SLC39A14: variants seen among roughly 807,000 people sequenced by gnomAD.
SLC39A14 encodes solute carrier family 39 member 14, also known as metal cation symporter ZIP14.
In SLC39A14, 19 loss-of-function variants were observed where a neutral mutation model predicts 45.5. That is an observed-to-expected ratio of 0.42 (90% CI 0.29 to 0.61). The LOEUF (loss-of-function observed/expected upper bound fraction) is 0.61, where lower values mean the gene tolerates loss of function less well. Ranked by LOEUF, SLC39A14 falls within the 20% of genes least tolerant of loss-of-function variation. The pLI is 0.22. For missense variants in SLC39A14, 447 were observed against 616.5 expected (o/e 0.73, Z 2.91); for synonymous variants, 264 against 251.3 (o/e 1.05, Z -0.48).
At chr8:22,419,027 GA>G (rs34995511) in intron 8 of SLC39A14, among the ~76,000 whole-genome samples, 9 of 148,458 alleles carry the variant, frequency 6.1e-5, no homozygotes, top group East Asian at 5.9e-4. Context: ...TGGAAAAAAG[GA>G]AAAAAAAAAG....
chr8:22,432,647 T>TA (rs1491025290), intron 8 of SLC39A14, among the ~76,000 whole-genome samples: 1 of 17,460 alleles, frequency 5.7e-5, no homozygotes, highest in East Asian at 7.8e-4. Context: ...CCCGGCTAAT[T>TA]TTTTTTTTTT....
At position 22,421,272 on chromosome 8, in the gene SLC39A14, TC is replaced by T. The variant is rs1836212960; in HGVS notation, c.*1575del. The T allele has an allele frequency of 1.0e-6, 1 of 985,742 alleles. No individual in the cohort carries two copies. The highest frequency in any genetic ancestry group is 1.2e-6 in the Non-Finnish European group (1 of 829,940). 61.1% of individuals were successfully genotyped at this position (985,742 alleles called of 1,614,324 possible). A position where few individuals can be genotyped will look rare whatever the true frequency, so the allele number is the denominator to read the frequency against. ...TCTTACATAGAAAAACTGTCCGCTC[TC>T]AGTAATCACAAGCAGCATCCGTTTT... is the stretch of plus-strand genomic sequence containing the variant. On this transcript the variant is annotated 3_prime_UTR_variant, in exon 9 of 9. Coordinates refer to ENST00000381237, the MANE Select transcript of SLC39A14 (RefSeq NM_001128431.4).
intron 1 of SLC39A14, among the ~76,000 whole-genome samples, chr8:22,391,527 G>T (rs1488175336): frequency 2.0e-5 from 3 of 152,154 alleles, no homozygotes; most frequent in African/African-American, 7.2e-5. Context: ...TGTGGGCCAA[G>T]GAGGATAGAA....
chr8:22,431,507 C>T (rs1320713148), intron 8 of SLC39A14, among the ~76,000 whole-genome samples: 2 of 152,126 alleles, frequency 1.3e-5, no homozygotes, highest in African/African-American at 4.8e-5. Flanking sequence ...GTTCCCTGTG[C>T]TTTTGTTAAA....
chr8:22,417,080 T>G (rs1835929258), intron 7 of SLC39A14, among the ~76,000 whole-genome samples: 1 of 152,218 alleles, frequency 6.6e-6, no homozygotes, highest in Non-Finnish European at 1.5e-5. Context: ...AGCTAGTAAT[T>G]ACTCCAGAGG....
intron 1 of SLC39A14, among the ~76,000 whole-genome samples, chr8:22,384,744 TAAAAAAAA>T (rs34292650): frequency 8.5e-6 from 1 of 117,292 alleles, no homozygotes; most frequent in African/African-American, 3.3e-5. Flanking sequence ...GAGACTGTCT[TAAAAAAAA>T]AAAAAAAAAA....
intron 1 of SLC39A14, among the ~76,000 whole-genome samples, chr8:22,399,083 C>G (rs2132282472): frequency 6.6e-6 from 1 of 152,324 alleles, no homozygotes; most frequent in East Asian, 1.9e-4. Context: ...CTCCTTCCCA[C>G]TTGTCTTTCT....
intron 1 of SLC39A14, among the ~76,000 whole-genome samples, chr8:22,376,575 G>T (rs1294034034): frequency 6.6e-6 from 1 of 151,846 alleles, no homozygotes; most frequent in African/African-American, 2.4e-5. Context: ...TTCTGTTGTT[G>T]TTGTTTTACA....
At position 22,419,687 on chromosome 8, in the gene SLC39A14, C is replaced by T. The variant is rs1188514751; in HGVS notation, c.1468C>T (p.Gln490Ter). The change falls in exon 9 of 9, where the codon CAG becomes TAG. Residue 490 changes from glutamine (Q) to a stop codon, truncating the protein, a stop_gained. Coordinates refer to ENST00000381237, the MANE Select transcript of SLC39A14 (RefSeq NM_001128431.4). LOFTEE classifies it high-confidence loss of function. ...CCTCACCATGTATTCAGGACAGATC[C>T]AGATTGGGTAGGGCTCTGCCAAGAG... is the stretch of plus-strand genomic sequence containing the variant. ...VVLTMYSGQI[Q>*]IG 1 of 1,607,594 alleles carries T rather than the reference C, an allele frequency of 6.2e-7. No homozygotes were observed. Among genetic ancestry groups the T allele is most frequent in the Admixed American group, 1.7e-5 (1 of 58,800 alleles).
intron 4 of SLC39A14, 75 bp downstream of exon 4, chr8:22,412,281 C>G: frequency 6.9e-7 from 1 of 1,444,416 alleles, no homozygotes; most frequent in Non-Finnish European, 9.3e-7. Flanking sequence ...GGATAGAAGG[C>G]ATAGAGAGGG....
chr8:22,373,526 C>T (rs1563473600), intron 1 of SLC39A14, among the ~76,000 whole-genome samples: 1 of 152,052 alleles, frequency 6.6e-6, no homozygotes, highest in East Asian at 1.9e-4. Context: ...AGAAATTTCT[C>T]AAAGACTCAA....
intron 1 of SLC39A14, among the ~76,000 whole-genome samples, chr8:22,378,750 A>G (rs887594650): frequency 2.6e-5 from 4 of 152,210 alleles, no homozygotes; most frequent in African/African-American, 7.2e-5. Flanking sequence ...ATAATGTGCC[A>G]TGATCCCAGG....
chr8:22,418,649 A>T (rs551458152), intron 8 of SLC39A14, among the ~76,000 whole-genome samples: 1 of 151,914 alleles, frequency 6.6e-6, no homozygotes, highest in East Asian at 1.9e-4. Context: ...CTCCTCCCTC[A>T]GTCTCCCAAG....
At chr8:22,423,492 C>T (rs900010923), downstream of SLC39A14, among the ~76,000 whole-genome samples, 34 of 152,140 alleles carry the variant, frequency 2.2e-4, no homozygotes, top group Middle Eastern at 3.4e-3. Context: ...CCCGCCACCA[C>T]GCCCAGCTAA....
intron 5 of SLC39A14, 178 bp downstream of exon 5, chr8:22,415,080 G>A (rs1835794395): frequency 1.4e-6 from 1 of 702,996 alleles, no homozygotes; most frequent in East Asian, 2.9e-5. Flanking sequence ...GGCCAGAAGT[G>A]AGGCCAGACC....
downstream of SLC39A14, among the ~76,000 whole-genome samples, chr8:22,426,439 T>C (rs1836388955): frequency 1.3e-5 from 2 of 151,944 alleles, no homozygotes; most frequent in East Asian, 3.9e-4. Context: ...GCAATCCTCC[T>C]GACTAGGCCT....
intron 4 of SLC39A14, among the ~76,000 whole-genome samples, chr8:22,412,419 C>G (rs76970015): frequency 0.024 from 3,675 of 152,322 alleles, 150 homozygotes; most frequent in African/African-American, 0.085. Context: ...TCCGTAACCC[C>G]AGGCACACCA....
At position 22,417,996 on chromosome 8, in the gene SLC39A14, G is replaced by A. The variant is rs567920947; in HGVS notation, c.1332+161G>A. On this transcript the variant is annotated intron_variant, in intron 8 of 8. Transcript: ENST00000381237. ...CAGCTCACTGCAACCTCCGCGTCCC[G>A]GGTTCAAGTGATTCGCCTGCCTCAG... 1.1e-4 allele frequency among the ~76,000 whole-genome samples: 16 copies of A among 152,080 alleles called. No homozygotes were observed. The South Asian group carries it at 2.5e-3, about 24-fold the overall frequency.
chr8:22,384,961 A>G (rs573799824), intron 1 of SLC39A14, among the ~76,000 whole-genome samples: 1 of 138,368 alleles, frequency 7.2e-6, no homozygotes, highest in African/African-American at 2.7e-5. Context: ...GAGACTGGAG[A>G]ATTGCTTGAA....
Sources: gnomAD v4.1 joint callset for allele counts (sites outside exome capture counted in the v4.1 genomes callset) on GRCh38, gnomAD v4.1.1 for gene constraint, MANE v1.5 for transcripts, NCBI Gene and HGNC (gene_info 2026-07-23, HGNC 2026-07-21) for gene names.